Variants in TBC1D16 observed in about 807,000 individuals in gnomAD.
TBC1D16 encodes TBC1 domain family member 16.
TBC1D16 carries 58 observed loss-of-function variants against 74.7 expected under a neutral mutation model. The observed-to-expected ratio is 0.78, with a 90% CI of 0.63 to 0.97. The LOEUF (loss-of-function observed/expected upper bound fraction) is 0.97, where lower values mean the gene tolerates loss of function less well. TBC1D16 is among the 50% of genes least tolerant of loss of function. TBC1D16 has a pLI of 0.00. For missense variants in TBC1D16, 1,014 were observed against 1,079.5 expected (o/e 0.94, Z 0.85); for synonymous variants, 493 against 474.7 (o/e 1.04, Z -0.50).
chr17:79,969,057 A>C (rs1375771528), intron 3 of TBC1D16, among the ~76,000 whole-genome samples: 1 of 152,184 alleles, frequency 6.6e-6, no homozygotes, highest in South Asian at 2.1e-4. Context: ...GCCAATAAGC[A>C]CATGAAAAAT....
At chr17:79,952,579 C>T in intron 4 of TBC1D16, 78 bp downstream of exon 4, 1 of 1,510,982 alleles carries the variant, frequency 6.6e-7, no homozygotes, top group Non-Finnish European at 9.0e-7. Context: ...CCGTGCACTG[C>T]ACCGGCTGCA....
chr17:79,995,646 G>A (rs958951650), intron 3 of TBC1D16, among the ~76,000 whole-genome samples: 5 of 150,746 alleles, frequency 3.3e-5, no homozygotes, highest in South Asian at 4.2e-4. Context: ...TTAGCCGGGC[G>A]TGGTGGTGGG....
chr17:79,956,345 C>T lies in TBC1D16; in HGVS notation c.780-3527G>A, dbSNP rs1000830586. ...CACAACTCACCGCAGCCTCAGCCTC[C>T]GGGGCTCAAGCGATCCTCCAGCCTC... On this transcript the variant is annotated intron_variant, in intron 3 of 11. Transcript: ENST00000310924. This position sits in a 1 kb window ranked among gnomAD's most constrained non-coding sequence, Gnocchi z 4.0. Among the ~76,000 whole-genome samples, 8 of 152,344 alleles carry T rather than the reference C, an allele frequency of 5.3e-5. No individual in the cohort carries two copies. The highest frequency in any genetic ancestry group is 1.9e-4 in the East Asian group (1 of 5,194).
intron 3 of TBC1D16, among the ~76,000 whole-genome samples, chr17:79,958,919 T>C (rs1388268912): frequency 1.3e-5 from 2 of 152,124 alleles, no homozygotes; most frequent in African/African-American, 4.8e-5. Context: ...GAAAAGGAAA[T>C]AAAAGGCATA....
chr17:79,955,301 G>A (rs951256949), intron 3 of TBC1D16, among the ~76,000 whole-genome samples: 7 of 152,142 alleles, frequency 4.6e-5, no homozygotes, highest in Non-Finnish European at 1.0e-4. Flanking sequence ...TGGAGGACGA[G>A]GTCTGGTGCC....
chr17:79,950,328 G>A lies in TBC1D16; in HGVS notation c.1257+83C>T, dbSNP rs1273472079. 13 of 1,459,590 alleles carry A rather than the reference G, an allele frequency of 8.9e-6. No individual in the cohort carries two copies. The African/African-American group carries it at 1.6e-4, about 18-fold the overall frequency. The allele number at this position is 1,459,590 out of a possible 1,614,324, so 90.4% of individuals were successfully genotyped here. ...GCCCGTGGGTGCGGGCGGGCGGCCAGGCCCCGGCCCTCCTTCCCTCTCGCT... is the reference window on the plus strand; with the variant it reads ...GCCCGTGGGTGCGGGCGGGCGGCCAAGCCCCGGCCCTCCTTCCCTCTCGCT... On this transcript the variant is annotated intron_variant, in intron 6 of 11. Transcript: ENST00000310924. This position sits in a 1 kb window ranked among gnomAD's most constrained non-coding sequence, Gnocchi z 4.6.
In TBC1D16 at chr17:79,940,934, C is replaced by A. The variant is rs1370603616; in HGVS notation, c.2229G>T (p.Met743Ile). ...CTTCCCTCAGGGACTTGGGGGAAGG[C>A]ATCTCCACCGTGCCCCCGTAGGGAC... ...ESCPYGGTVE[M>I]PSPKSLREGK... The change falls in exon 12 of 12, where the codon ATG becomes ATT. Residue 743 changes from methionine (M) to isoleucine (I), a missense_variant. Coordinates refer to ENST00000310924, the MANE Select transcript of TBC1D16 (RefSeq NM_019020.4). The surrounding 1 kb of genome is among the most constrained non-coding windows in gnomAD (Gnocchi z 5.4). The A allele has an allele frequency of 4.4e-6, 7 of 1,596,106 alleles. No individual in the cohort carries two copies. The highest frequency in any genetic ancestry group is 3.4e-6 in the Non-Finnish European group (4 of 1,170,174).
chr17:79,954,301 A>T lies in TBC1D16; in HGVS notation c.780-1483T>A, dbSNP rs1039496676. 1.3e-5 allele frequency among the ~76,000 whole-genome samples: 2 copies of T among 152,174 alleles called. No individual in the cohort carries two copies. Among genetic ancestry groups the T allele is most frequent in the Non-Finnish European group, 2.9e-5 (2 of 68,018 alleles). On this transcript the variant is annotated intron_variant, in intron 3 of 11. Coordinates refer to ENST00000310924, the MANE Select transcript of TBC1D16 (RefSeq NM_019020.4). This position sits in a 1 kb window ranked among gnomAD's most constrained non-coding sequence, Gnocchi z 5.5. ...AAATAAAGCTCCTTTGGAGGGTTCCAGCACAATCCCTCCCCACTGGGAACT... is the reference window on the plus strand; with the variant it reads ...AAATAAAGCTCCTTTGGAGGGTTCCTGCACAATCCCTCCCCACTGGGAACT...
At chr17:80,033,271 T>C (rs1416804508) in intron 1 of TBC1D16, among the ~76,000 whole-genome samples, 1 of 152,230 alleles carries the variant, frequency 6.6e-6, no homozygotes, top group Non-Finnish European at 1.5e-5. Context: ...ACAAAGTCTC[T>C]GAAGTAGGTA....
rs991941771 is a variant in TBC1D16 at position 79,990,217 on chromosome 17, C to T, written c.779+19943G>A. On this transcript the variant is annotated intron_variant, in intron 3 of 11. Coordinates refer to ENST00000310924, the MANE Select transcript of TBC1D16 (RefSeq NM_019020.4). The surrounding 1 kb of genome is among the most constrained non-coding windows in gnomAD (Gnocchi z 4.8). ...AGGCTTCAACTCAGCCTGAACTAGC[C>T]GCGTGGACAGCAGCCGTAGCCCTCA... Among the ~76,000 whole-genome samples the T allele has an allele frequency of 6.6e-6, 1 of 152,202 alleles. No homozygotes were observed. The highest frequency in any genetic ancestry group is 2.4e-5 in the African/African-American group (1 of 41,460).
At position 80,027,765 on chromosome 17, in the gene TBC1D16, G is replaced by A. The variant is rs377644175; in HGVS notation, c.-63+8030C>T. ...AAACTAGCTGGGCATGGTGGCAGGCGCCTGTAATCCCAGCTACTTGGGAGG... is the reference window on the plus strand; with the variant it reads ...AAACTAGCTGGGCATGGTGGCAGGCACCTGTAATCCCAGCTACTTGGGAGG... On this transcript the variant is annotated intron_variant, in intron 1 of 11. Coordinates refer to ENST00000310924, the MANE Select transcript of TBC1D16 (RefSeq NM_019020.4). Among the ~76,000 whole-genome samples, 90 of 151,856 alleles carry A rather than the reference G, an allele frequency of 5.9e-4. No homozygotes were observed. In the East Asian group the frequency reaches 0.011, roughly 19 times the overall value.
chr17:79,975,659 A>C lies in TBC1D16; in HGVS notation c.780-22841T>G, dbSNP rs1488477692. On this transcript the variant is annotated intron_variant, in intron 3 of 11. Coordinates refer to ENST00000310924, the MANE Select transcript of TBC1D16 (RefSeq NM_019020.4). The surrounding 1 kb of genome is among the most constrained non-coding windows in gnomAD (Gnocchi z 4.5). ...AGGTCCACCCTGAAGTGAAAAGACAAATATCATTTTTCCTCCAGTTTGCAA... is the reference window on the plus strand; with the variant it reads ...AGGTCCACCCTGAAGTGAAAAGACACATATCATTTTTCCTCCAGTTTGCAA... 6.6e-6 allele frequency among the ~76,000 whole-genome samples: 1 copy of C among 152,104 alleles called. No homozygotes were observed. Among genetic ancestry groups the C allele is most frequent in the Non-Finnish European group, 1.5e-5 (1 of 68,016 alleles).
chr17:80,030,887 T>C (rs980089878), intron 1 of TBC1D16, among the ~76,000 whole-genome samples: 3 of 152,224 alleles, frequency 2.0e-5, no homozygotes, highest in African/African-American at 7.2e-5. Context: ...ACCTGGCACA[T>C]GGCCGGCAGA....
intron 1 of TBC1D16, among the ~76,000 whole-genome samples, chr17:80,027,653 G>A (rs2036625463): frequency 6.6e-6 from 1 of 151,466 alleles, no homozygotes; most frequent in Non-Finnish European, 1.5e-5. Flanking sequence ...AGCACTTTGG[G>A]AGGCTGAGGC....
chr17:80,002,924 C>T (rs1407846999), intron 3 of TBC1D16, among the ~76,000 whole-genome samples: 1 of 152,294 alleles, frequency 6.6e-6, no homozygotes, highest in South Asian at 2.1e-4. Flanking sequence ...GGGAACACCA[C>T]GCGGCCTTGA....
chr17:79,988,250 G>A lies in TBC1D16; in HGVS notation c.779+21910C>T, dbSNP rs1295958356. Among the ~76,000 whole-genome samples, 2 of 152,194 alleles carry A rather than the reference G, an allele frequency of 1.3e-5. No homozygotes were observed. Among genetic ancestry groups the A allele is most frequent in the Non-Finnish European group, 2.9e-5 (2 of 68,032 alleles). ...GGCCGTGGCTCCTCGGCAAGTGGGC[G>A]TCCGCCGAGCCTTTGATGCACTCTC... On this transcript the variant is annotated intron_variant, in intron 3 of 11. Transcript: ENST00000310924. The surrounding 1 kb of genome is among the most constrained non-coding windows in gnomAD (Gnocchi z 5.7).
Position 79,950,563 on chromosome 17 carries a change from T to C in TBC1D16, c.1105A>G (p.Lys369Glu). 6.2e-7 allele frequency: 1 copy of C among 1,612,562 alleles called. No individual in the cohort carries two copies. Among genetic ancestry groups the C allele is most frequent in the Non-Finnish European group, 8.5e-7 (1 of 1,179,666 alleles). ...CGGATGGAGAACTGCATGCATGTCTTATCGGGGGCGACCTGCTGGACGGGA... is the reference window on the plus strand; with the variant it reads ...CGGATGGAGAACTGCATGCATGTCTCATCGGGGGCGACCTGCTGGACGGGA... ...QLKDQQVAPD[K>E]TCMQFSIRRP... Residue 369 changes from lysine to glutamate, a missense_variant, in exon 6 of 12, where the codon AAG (lysine) becomes GAG (glutamate). Physicochemically the swap from Lys to Glu is moderately conservative, Grantham distance 56. Transcript: ENST00000310924. This position sits in a 1 kb window ranked among gnomAD's most constrained non-coding sequence, Gnocchi z 4.6.
rs755493757 is a variant in TBC1D16, at chr17:79,947,670, C to T, written c.1703G>A (p.Arg568Gln). 11 of 1,614,000 alleles carry T rather than the reference C, an allele frequency of 6.8e-6. No individual in the cohort carries two copies. The highest frequency in any genetic ancestry group is 3.3e-5 in the Admixed American group (2 of 60,004). The change falls in exon 9 of 12, where the codon CGG (arginine) becomes CAG (glutamine). Residue 568 changes from arginine (R) to glutamine (Q), a missense_variant. Coordinates refer to ENST00000310924, the MANE Select transcript of TBC1D16 (RefSeq NM_019020.4). ...MQNTIFVSSP[R>Q]DEDMEKQLLY... ...CAGTTGTTTCTCCATGTCCTCGTCC[C>T]GGGGTGAGCTGACGAAGATCGTGTT...
At position 80,000,321 on chromosome 17, in the gene TBC1D16, A is replaced by G. The variant is rs545130282; in HGVS notation, c.779+9839T>C. On this transcript the variant is annotated intron_variant, in intron 3 of 11. Coordinates refer to ENST00000310924, the MANE Select transcript of TBC1D16 (RefSeq NM_019020.4). The surrounding 1 kb of genome is among the most constrained non-coding windows in gnomAD (Gnocchi z 4.1). ...CTAAGATGAGGTCACCCTAGATTTG[A>G]GTAGGCCCTATCTAATGACTGGCAT... 3.3e-5 allele frequency among the ~76,000 whole-genome samples: 5 copies of G among 152,276 alleles called. No homozygotes were observed. The South Asian group carries it at 1.0e-3, about 32-fold the overall frequency.
Sources: gnomAD v4.1 joint callset for allele counts (sites outside exome capture counted in the v4.1 genomes callset) on GRCh38, gnomAD v4.1.1 for gene constraint, Gnocchi (gnomAD v3.1) non-coding constraint, MANE v1.5 for transcripts, NCBI Gene and HGNC (gene_info 2026-07-23, HGNC 2026-07-21) for gene names.